Variants in UMOD observed in about 807,000 individuals in gnomAD.
UMOD encodes the protein Tamm-Horsfall urinary glycoprotein.
UMOD carries 64 observed loss-of-function variants against 66.0 expected under a neutral mutation model. That is an observed-to-expected ratio of 0.97 (90% CI 0.79 to 1.19). The LOEUF is 1.19. Ranked by LOEUF, UMOD falls within the 50% of genes most tolerant of loss-of-function variation. The pLI is 0.00. For synonymous variants in UMOD, 398 were observed against 352.7 expected, an observed-to-expected ratio of 1.13 and a Z score of -1.44; for missense variants, 764 against 850.9, an observed-to-expected ratio of 0.90 and a Z score of 1.27.
At chr16:20,335,596 A>G (rs773838644) in intron 9 of UMOD, 76 bp from the exon 10 acceptor site, 51 of 1,460,814 alleles carry the variant, frequency 3.5e-5, no homozygotes, top group Non-Finnish European at 4.4e-5. Context: ...AAACCCCTTC[A>G]ATCTACTTTT....
upstream of UMOD, among the ~76,000 whole-genome samples, chr16:20,353,758 A>T (rs528948236): frequency 7.2e-6 from 1 of 138,256 alleles, no homozygotes; most frequent in Admixed American, 7.3e-5. Flanking sequence ...CACTGCATTG[A>T]TCTTTTTTTT....
At chr16:20,345,372 T>C (rs560692295) in intron 5 of UMOD, among the ~76,000 whole-genome samples, 3 of 151,158 alleles carry the variant, frequency 2.0e-5, no homozygotes, top group East Asian at 3.9e-4. Context: ...TTTCTTCCTT[T>C]CTTCCTTCCT....
At chr16:20,344,749 G>C (rs527936952) in intron 5 of UMOD, among the ~76,000 whole-genome samples, 16 of 152,108 alleles carry the variant, frequency 1.1e-4, no homozygotes, top group Admixed American at 1.0e-3. Context: ...GCCAGACCCC[G>C]AGTGGAATAC....
intron 8 of UMOD, among the ~76,000 whole-genome samples, 155 bp from the exon 9 acceptor site, chr16:20,336,882 C>G (rs1231377949): frequency 6.6e-6 from 1 of 152,212 alleles, no homozygotes; most frequent in Non-Finnish European, 1.5e-5. Context: ...CAGGTCCCAG[C>G]TCTGCCATTT....
chr16:20,343,914 C>T, intron 6 of UMOD, 110 bp downstream of exon 6: 1 of 1,374,672 alleles, frequency 7.3e-7, no homozygotes, highest in Non-Finnish European at 1.0e-6. Flanking sequence ...ACCCTGATTC[C>T]CAGCCCTCAC....
At chr16:20,344,203 T>C (rs1386399672) in intron 5 of UMOD, 31 bp from the exon 6 acceptor site, 7 of 604,038 alleles carry the variant, frequency 1.2e-5, no homozygotes, top group Middle Eastern at 3.0e-4. Flanking sequence ...GGAGGGGGGG[T>C]GGGGATGAGA....
intron 10 of UMOD, 96 bp from the exon 11 acceptor site, chr16:20,333,471 G>A (rs977306557): frequency 8.5e-7 from 1 of 1,172,034 alleles, no homozygotes. Flanking sequence ...AATCAGAAGA[G>A]GACACCCTCT....
intron 7 of UMOD, among the ~76,000 whole-genome samples, chr16:20,339,482 A>G (rs1965066125): frequency 6.6e-6 from 1 of 152,250 alleles, no homozygotes; most frequent in African/African-American, 2.4e-5. Flanking sequence ...AAAGAGTTGT[A>G]TTAAGTTTGA....
intron 7 of UMOD, among the ~76,000 whole-genome samples, chr16:20,337,747 C>G (rs184442422): frequency 6.6e-6 from 1 of 152,320 alleles, no homozygotes; most frequent in East Asian, 1.9e-4. Flanking sequence ...CAGTGCAGAG[C>G]TGAAACTATC....
upstream of UMOD, among the ~76,000 whole-genome samples, chr16:20,353,212 C>T (rs1419401309): frequency 2.6e-5 from 4 of 152,168 alleles, no homozygotes; most frequent in Non-Finnish European, 5.9e-5. Context: ...AGAATCCAGA[C>T]ACAAGCAAGA....
chr16:20,344,261 G>A, intron 5 of UMOD, 89 bp from the exon 6 acceptor site: 1 of 1,340,792 alleles, frequency 7.5e-7, no homozygotes. Flanking sequence ...AAATCTGCTG[G>A]TCTCATGTCT....
chr16:20,337,426 G>T lies in UMOD; in HGVS notation c.1605C>A (p.Ile535=), dbSNP rs1964948052. The T allele has an allele frequency of 1.9e-6, 3 of 1,614,086 alleles. No individual in the cohort carries two copies. Among genetic ancestry groups the T allele is most frequent in the Non-Finnish European group, 2.5e-6 (3 of 1,180,046 alleles). ...DRCPHTRDST[I]QVVENGESSQ... is the part of the protein sequence containing the mutation. Reference sequence around the variant, plus strand: ...AGGACTCCCCATTCTCCACCACTTGGATAGTTGAGTCTCTAGTGTGTGGGC... The same window carrying T: ...AGGACTCCCCATTCTCCACCACTTGTATAGTTGAGTCTCTAGTGTGTGGGC... The change falls in exon 8 of 11, where the codon ATC becomes ATA. Residue 535 remains isoleucine, a synonymous_variant. Coordinates refer to ENST00000396138, the MANE Select transcript of UMOD (RefSeq NM_003361.4).
chr16:20,340,947 T>C, intron 7 of UMOD, 144 bp downstream of exon 7: 1 of 910,014 alleles, frequency 1.1e-6, no homozygotes, highest in South Asian at 1.5e-5. Context: ...TGAGCCGAGG[T>C]CACACCATTG....
chr16:20,337,490 A>C (rs1224900825), intron 7 of UMOD, 37 bp from the exon 8 acceptor site: 2 of 1,613,694 alleles, frequency 1.2e-6, no homozygotes, highest in Non-Finnish European at 1.7e-6. Context: ...TGGTTGGTTA[A>C]ATAAAGATTC....
chr16:20,345,187 T>C (rs1257956832), intron 5 of UMOD, among the ~76,000 whole-genome samples: 1 of 152,036 alleles, frequency 6.6e-6, no homozygotes, highest in Non-Finnish European at 1.5e-5. Flanking sequence ...CAAATTTTTG[T>C]ATTTTTAGTA....
At chr16:20,336,755 C>T in intron 8 of UMOD, 28 bp from the exon 9 acceptor site, 1 of 1,606,228 alleles carries the variant, frequency 6.2e-7, no homozygotes, top group South Asian at 1.1e-5. Flanking sequence ...TAGAAAAACA[C>T]CCTCCATGAA....
Position 20,349,596 on chromosome 16 carries a change from A to G in UMOD, c.89-384T>C, listed in dbSNP as rs1755875911. 4.4e-6 allele frequency: 6 copies of G among 1,350,096 alleles called. No homozygotes were observed. In the Admixed American group the frequency reaches 1.7e-4, roughly 39 times the overall value. The allele number at this position is 1,350,096 out of a possible 1,614,324, so 83.6% of individuals were successfully genotyped here. ...TTCCCAAAAAGTTGGGACCACAGGCACGTGCAATCGCGCCCAGCTCCACCA... is the reference window on the plus strand; with the variant it reads ...TTCCCAAAAAGTTGGGACCACAGGCGCGTGCAATCGCGCCCAGCTCCACCA... On this transcript the variant is annotated intron_variant, in intron 2 of 10. Transcript: ENST00000396138.
upstream of UMOD, chr16:20,352,755 C>T: frequency 8.1e-7 from 1 of 1,231,298 alleles, no homozygotes; most frequent in Non-Finnish European, 1.0e-6. Context: ...CACATTTGCC[C>T]CAGGCTGGCA....
chr16:20,349,873 C>A (rs1378298473), intron 2 of UMOD: 2 of 1,526,300 alleles, frequency 1.3e-6, no homozygotes, highest in East Asian at 4.9e-5. Context: ...TTTGTTCCTC[C>A]GTAATAAAAA....
Sources: gnomAD v4.1 joint callset for allele counts (sites outside exome capture counted in the v4.1 genomes callset) on GRCh38, gnomAD v4.1.1 for gene constraint, MANE v1.5 for transcripts, NCBI Gene and HGNC (gene_info 2026-07-23, HGNC 2026-07-21) for gene names.